Variants in TALDO1 observed in about 807,000 individuals in gnomAD.
TALDO1 encodes transaldolase.
TALDO1 carries 29 observed loss-of-function variants against 38.1 expected under a neutral mutation model. That is an observed-to-expected ratio of 0.76 (90% CI 0.57 to 1.04). TALDO1 has a LOEUF of 1.04. TALDO1 is among the 50% of genes least tolerant of loss of function. TALDO1 has a pLI of 0.00. For missense variants in TALDO1, 499 were observed against 438.1 expected (o/e 1.14, Z -1.24); for synonymous variants, 207 against 176.8 (o/e 1.17, Z -1.36).
At chr11:747,704 G>A in intron 1 of TALDO1, 126 bp downstream of exon 1, 1 of 814,912 alleles carries the variant, frequency 1.2e-6, no homozygotes, top group Non-Finnish European at 1.9e-6. Context: ...CTCGTTCCGG[G>A]AGGAATGAGC....
chr11:764,713 A>AC, intron 7 of TALDO1, 100 bp from the exon 8 acceptor site: 1 of 1,578,460 alleles, frequency 6.3e-7, no homozygotes. Flanking sequence ...CAGAGTGCAG[A>AC]CCCCACAAGG....
At chr11:752,918 C>T (rs1418833232) in intron 1 of TALDO1, among the ~76,000 whole-genome samples, 2 of 152,272 alleles carry the variant, frequency 1.3e-5, no homozygotes, top group East Asian at 3.9e-4. Flanking sequence ...AGCCTTCAAC[C>T]TGTGGGATCT....
chr11:763,070 G>C lies in TALDO1; in HGVS notation c.462-274G>C, dbSNP rs73409146. 7.0e-3 allele frequency among the ~76,000 whole-genome samples: 1,065 copies of C among 151,938 alleles called. 13 individuals carry two copies. Among genetic ancestry groups the C allele is most frequent in the African/African-American group, 0.025 (1,031 of 41,488 alleles). ...AACCCACTATCCACTTAGAGCCCTC[G>C]AGTCTTACCGATTTGTTCTTAACAA... On this transcript the variant is annotated intron_variant, in intron 4 of 7. Transcript: ENST00000319006.
Position 763,912 on chromosome 11 carries a change from C to T in TALDO1, c.803C>T (p.Ala268Val). Residue 268 changes from alanine to valine, a missense_variant, in exon 6 of 8, where the codon GCC becomes GTC. Coordinates refer to ENST00000319006, the MANE Select transcript of TALDO1 (RefSeq NM_006755.2). Reference sequence around the variant, plus strand: ...CTGGGAGAGCTGCTGCAGGACAACGCCAAGCTGGTGCCTGTGCTCTCAGCC... The same window carrying T: ...CTGGGAGAGCTGCTGCAGGACAACGTCAAGCTGGTGCCTGTGCTCTCAGCC... ...KLLGELLQDN[A>V]KLVPVLSAKA... 2 of 1,611,962 alleles carry T rather than the reference C, an allele frequency of 1.2e-6. No homozygotes were observed. The highest frequency in any genetic ancestry group is 2.2e-5 in the South Asian group (2 of 91,064).
rs926630549 is a variant in TALDO1 at position 763,439 on chromosome 11, T to C, written c.557T>C (p.Ile186Thr). 9.3e-6 allele frequency: 15 copies of C among 1,613,098 alleles called. No homozygotes were observed. The highest frequency in any genetic ancestry group is 1.2e-5 in the Non-Finnish European group (14 of 1,179,834). Residue 186 changes from isoleucine (I) to threonine (T), a missense_variant, in exon 5 of 8, where the codon ATC (isoleucine) becomes ACC (threonine). Coordinates refer to ENST00000319006, the MANE Select transcript of TALDO1 (RefSeq NM_006755.2). ...VACAEAGVTL[I>T]SPFVGRILDW... is the part of the protein sequence containing the mutation. ...TGTGCCGAGGCGGGTGTGACCCTCA[T>C]CTCCCCATTTGTTGGGCGCATCCTT...
rs1862999986 is a variant in TALDO1 at position 763,807 on chromosome 11, T to A, written c.698T>A (p.Val233Asp). ...AAGAAGTTTAGCTACAAAACCATTG[T>A]CATGGGCGCCTCCTTCCGCAACACG... Reference protein sequence around the residue: ...YYKKFSYKTIVMGASFRNTGE... With the variant: ...YYKKFSYKTIDMGASFRNTGE... The change falls in exon 6 of 8, where the codon GTC becomes GAC. Residue 233 changes from valine (V) to aspartate (D), a missense_variant. Transcript: ENST00000319006. The A allele has an allele frequency of 6.2e-7, 1 of 1,614,088 alleles. No individual in the cohort carries two copies. Among genetic ancestry groups the A allele is most frequent in the Non-Finnish European group, 8.5e-7 (1 of 1,180,016 alleles).
chr11:760,293 T>A, intron 4 of TALDO1, 40 bp downstream of exon 4: 1 of 1,611,108 alleles, frequency 6.2e-7, no homozygotes, highest in South Asian at 1.1e-5. Flanking sequence ...TCAGAGATTT[T>A]TCCTCTGTTG....
Position 764,310 on chromosome 11 carries a change from A to C in TALDO1, c.858A>C (p.Lys286Asn), listed in dbSNP as rs1382222983. The C allele has an allele frequency of 6.2e-7, 1 of 1,614,090 alleles. No homozygotes were observed. Among genetic ancestry groups the C allele is most frequent in the East Asian group, 2.2e-5 (1 of 44,898 alleles). ...CAGCCCAAGCCAGTGACCTGGAAAAAATCCACCTGGATGAGAAGTCTTTCC... is the reference window on the plus strand; with the variant it reads ...CAGCCCAAGCCAGTGACCTGGAAAACATCCACCTGGATGAGAAGTCTTTCC... ...AKAAQASDLEKIHLDEKSFRW... is the reference protein window; with the variant it reads ...AKAAQASDLENIHLDEKSFRW... The change falls in exon 7 of 8, where the codon AAA becomes AAC. Residue 286 changes from lysine to asparagine, a missense_variant. Physicochemically the swap from Lys to Asn is moderately conservative, Grantham distance 94. Coordinates refer to ENST00000319006, the MANE Select transcript of TALDO1 (RefSeq NM_006755.2).
intron 1 of TALDO1, among the ~76,000 whole-genome samples, chr11:748,810 C>A (rs533055812): frequency 2.6e-5 from 4 of 152,354 alleles, no homozygotes; most frequent in Middle Eastern, 3.4e-3. Context: ...CACAGCCCCC[C>A]CGTTGTAGTC....
intron 2 of TALDO1, 126 bp downstream of exon 2, chr11:756,128 C>A (rs1319863044): frequency 2.2e-6 from 3 of 1,377,800 alleles, no homozygotes; most frequent in Non-Finnish European, 2.9e-6. Flanking sequence ...AAAACCCTAT[C>A]TTTTTGCCTA....
At chr11:755,269 C>T (rs1024192793) in intron 1 of TALDO1, among the ~76,000 whole-genome samples, 1 of 151,322 alleles carries the variant, frequency 6.6e-6, no homozygotes, top group African/African-American at 2.4e-5. Context: ...CTCAGCCTCC[C>T]GAGTAGCTGG....
intron 1 of TALDO1, among the ~76,000 whole-genome samples, chr11:748,536 C>A (rs546464478): frequency 6.6e-6 from 1 of 152,372 alleles, no homozygotes; most frequent in East Asian, 1.9e-4. Context: ...TGAAACGCTT[C>A]ATGGATGAAT....
chr11:763,299 T>TC lies in TALDO1; in HGVS notation c.462-41dup, dbSNP rs757651654. 67 of 644,076 alleles carry TC rather than the reference T, an allele frequency of 1.0e-4. No homozygotes were observed. In the African/African-American group the frequency reaches 3.1e-3, roughly 30 times the overall value. 39.9% of individuals were successfully genotyped at this position (644,076 alleles called of 1,614,324 possible). A position where few individuals can be genotyped will look rare whatever the true frequency, so the allele number is the denominator to read the frequency against. On this transcript the variant is annotated intron_variant, in intron 4 of 7. Coordinates refer to ENST00000319006, the MANE Select transcript of TALDO1 (RefSeq NM_006755.2). ...CCTCACCCGCCCCCGCCCTCACCTG[T>TC]CCCCGCCCTCACCTGCCCCGCCCTC...
At position 747,559 on chromosome 11, in the gene TALDO1, C is replaced by G. The variant is rs886048659; in HGVS notation, c.78C>G (p.Ala26=). The G allele has an allele frequency of 2.5e-6, 4 of 1,586,180 alleles. No individual in the cohort carries two copies. Among genetic ancestry groups the G allele is most frequent in the Non-Finnish European group, 3.4e-6 (4 of 1,168,926 alleles). The change falls in exon 1 of 8, where the codon GCC becomes GCG. Residue 26 remains alanine (A), a synonymous_variant. Coordinates refer to ENST00000319006, the MANE Select transcript of TALDO1 (RefSeq NM_006755.2). ...TCAAGCAGTTCACCACCGTGGTGGCCGACACGGGCGACTTCCACGGTGAGG... is the reference window on the plus strand; with the variant it reads ...TCAAGCAGTTCACCACCGTGGTGGCGGACACGGGCGACTTCCACGGTGAGG... ...DQLKQFTTVV[A]DTGDFHAIDE...
At chr11:759,086 G>C in intron 3 of TALDO1, 29 bp downstream of exon 3, 1 of 1,581,914 alleles carries the variant, frequency 6.3e-7, no homozygotes. Flanking sequence ...GCACTGGATG[G>C]GCTGGTCAGG....
At chr11:759,113 C>CT in intron 3 of TALDO1, 56 bp downstream of exon 3, 1 of 1,424,512 alleles carries the variant, frequency 7.0e-7, no homozygotes, top group Non-Finnish European at 9.9e-7. Flanking sequence ...CAGTTGCACA[C>CT]GTGGATGCCA....
intron 1 of TALDO1, among the ~76,000 whole-genome samples, chr11:754,824 G>A (rs569606743): frequency 3.5e-4 from 53 of 152,214 alleles, no homozygotes; most frequent in African/African-American, 1.2e-3. Context: ...AGGTGGGAGT[G>A]TAGTGGCATG....
chr11:748,739 A>G (rs561965094), intron 1 of TALDO1, among the ~76,000 whole-genome samples: 48 of 152,340 alleles, frequency 3.2e-4, no homozygotes, highest in Non-Finnish European at 4.9e-4. Flanking sequence ...TTGGGGTGCC[A>G]CAGTCTGCTC....
chr11:748,631 G>A (rs926139512), intron 1 of TALDO1, among the ~76,000 whole-genome samples: 4 of 152,150 alleles, frequency 2.6e-5, no homozygotes, highest in African/African-American at 9.7e-5. Flanking sequence ...ATTCCTCTTT[G>A]GTAACTGAGT....
Sources: allele counts gnomAD v4.1 joint callset (sites outside exome capture counted in the v4.1 genomes callset), GRCh38; gene constraint gnomAD v4.1.1; transcripts MANE v1.5; gene names NCBI Gene and HGNC (gene_info 2026-07-23, HGNC 2026-07-21).